Variants in LMBRD1 observed in about 807,000 individuals in gnomAD.
LMBRD1 encodes lysosomal cobalamin transport escort protein LMBD1.
LMBRD1 carries 64 observed loss-of-function variants against 74.8 expected under a neutral mutation model. The ratio of observed to expected loss-of-function variants is 0.86; its 90% CI spans 0.70 to 1.05. The LOEUF (loss-of-function observed/expected upper bound fraction) is 1.05, where lower values mean the gene tolerates loss of function less well. Among genes scored for constraint, LMBRD1 ranks in the 50% least tolerant of loss-of-function variants. The pLI, the probability that LMBRD1 is intolerant of heterozygous loss-of-function variation, is 0.00. For missense variants in LMBRD1, 652 were observed against 645.9 expected (o/e 1.01, Z -0.10); for synonymous variants, 204 against 216.3 (o/e 0.94, Z 0.50).
In LMBRD1 at chr6:69,708,132, A is replaced by C. The variant is rs543269061; in HGVS notation, c.915+5513T>G. On this transcript the variant is annotated intron_variant, in intron 9 of 15. Transcript: ENST00000649934. ...AGTTACCCAGGCCAATTAGCTGTAT[A>C]AGCTCAAAGTATACTCTTCTGTCAG... 2.6e-5 allele frequency among the ~76,000 whole-genome samples: 4 copies of C among 152,334 alleles called. No homozygotes were observed. The East Asian group carries it at 7.7e-4, about 29-fold the overall frequency.
intron 3 of LMBRD1, among the ~76,000 whole-genome samples, chr6:69,759,109 G>A (rs1765324494): frequency 6.6e-6 from 1 of 152,064 alleles, no homozygotes; most frequent in African/African-American, 2.4e-5. Context: ...AGCAAGGTAA[G>A]AAGCAAAAGT....
chr6:69,761,696 G>A (rs1026111183), intron 3 of LMBRD1, among the ~76,000 whole-genome samples: 1 of 152,136 alleles, frequency 6.6e-6, no homozygotes, highest in Non-Finnish European at 1.5e-5. Flanking sequence ...ATTCAATAAT[G>A]TTTGGTAAAT....
intron 8 of LMBRD1, among the ~76,000 whole-genome samples, chr6:69,717,643 T>A (rs1230712793): frequency 1.3e-5 from 2 of 152,232 alleles, no homozygotes. Context: ...CCTAATCTGA[T>A]GATTATGAAA....
intron 14 of LMBRD1, among the ~76,000 whole-genome samples, chr6:69,694,195 A>T (rs1173475891): frequency 1.3e-5 from 2 of 152,132 alleles, no homozygotes; most frequent in Non-Finnish European, 2.9e-5. Flanking sequence ...AGGGCATTTT[A>T]AAGGCCCCGT....
At chr6:69,681,471 GAATA>G (rs1357448906) in intron 14 of LMBRD1, among the ~76,000 whole-genome samples, 1 of 151,752 alleles carries the variant, frequency 6.6e-6, no homozygotes, top group Non-Finnish European at 1.5e-5. Flanking sequence ...TGGTTAAGTA[GAATA>G]AATAATACCT....
At chr6:69,743,029 A>T (rs909636634) in intron 5 of LMBRD1, among the ~76,000 whole-genome samples, 4 of 152,186 alleles carry the variant, frequency 2.6e-5, no homozygotes, top group African/African-American at 9.6e-5. Flanking sequence ...TTGTTGCCCC[A>T]GGTATGAAAT....
intron 4 of LMBRD1, among the ~76,000 whole-genome samples, chr6:69,749,716 C>A (rs1765077287): frequency 6.6e-6 from 1 of 151,054 alleles, no homozygotes; most frequent in African/African-American, 2.4e-5. Context: ...TAAAATATTC[C>A]CCCAGACAGC....
At chr6:69,684,571 T>C (rs1342567222) in intron 14 of LMBRD1, among the ~76,000 whole-genome samples, 1 of 152,064 alleles carries the variant, frequency 6.6e-6, no homozygotes, top group Non-Finnish European at 1.5e-5. Context: ...CAGAATACTT[T>C]TCAGATATAT....
chr6:69,701,211 G>T (rs1190106922), intron 11 of LMBRD1, among the ~76,000 whole-genome samples: 1 of 151,724 alleles, frequency 6.6e-6, no homozygotes, highest in Admixed American at 6.6e-5. Flanking sequence ...GTCAAATTAT[G>T]TATAACATAA....
intron 14 of LMBRD1, among the ~76,000 whole-genome samples, chr6:69,684,842 T>C (rs763716006): frequency 6.6e-6 from 1 of 152,100 alleles, no homozygotes; most frequent in Non-Finnish European, 1.5e-5. Flanking sequence ...ATGGGTTTCA[T>C]CCAACAGATA....
intron 14 of LMBRD1, among the ~76,000 whole-genome samples, chr6:69,694,379 A>AT (rs1196469955): frequency 6.6e-6 from 1 of 152,170 alleles, no homozygotes. Flanking sequence ...ATCTGTTTTC[A>AT]TCCAGCTAAA....
rs70987485 is a variant in LMBRD1 at position 69,695,841 on chromosome 6, CT to C, written c.1417+1721del. ...TTTTACAATTTTTCTAACCTTAGTA[CT>C]TTTTTTTTTTTTTTTCCCTGAGACA... is the stretch of plus-strand genomic sequence containing the variant. On this transcript the variant is annotated intron_variant, in intron 14 of 15. Transcript: ENST00000649934. Among the ~76,000 whole-genome samples, 227 of 140,566 alleles carry C rather than the reference CT, an allele frequency of 1.6e-3. 3 individuals carry two copies. Among genetic ancestry groups the C allele is most frequent in the Admixed American group, 5.2e-3 (73 of 14,066 alleles). 92.2% of individuals were successfully genotyped at this position (140,566 alleles called of 152,430 possible).
chr6:69,756,371 A>G (rs1413397787), intron 3 of LMBRD1, among the ~76,000 whole-genome samples: 1 of 152,056 alleles, frequency 6.6e-6, no homozygotes, highest in Non-Finnish European at 1.5e-5. Flanking sequence ...TCAAAAAAAA[A>G]AAAAAGAAAA....
At chr6:69,725,720 A>C (rs891983359) in intron 7 of LMBRD1, among the ~76,000 whole-genome samples, 3 of 152,208 alleles carry the variant, frequency 2.0e-5, no homozygotes, top group Admixed American at 6.5e-5. Flanking sequence ...CTCTTGCCAC[A>C]TACAAAAATC....
At chr6:69,724,593 A>G (rs1453934761) in intron 7 of LMBRD1, among the ~76,000 whole-genome samples, 3 of 150,198 alleles carry the variant, frequency 2.0e-5, no homozygotes, top group Admixed American at 6.6e-5. Flanking sequence ...GTAATACATC[A>G]TATCAAGAGA....
intron 9 of LMBRD1, among the ~76,000 whole-genome samples, chr6:69,703,957 T>G (rs1289100901): frequency 6.6e-6 from 1 of 152,150 alleles, no homozygotes; most frequent in African/African-American, 2.4e-5. Flanking sequence ...ATTTGTAGAA[T>G]GTCTCTCAAT....
intron 14 of LMBRD1, among the ~76,000 whole-genome samples, chr6:69,696,101 C>A (rs2149841772): frequency 6.6e-6 from 1 of 152,300 alleles, no homozygotes; most frequent in Middle Eastern, 3.4e-3. Flanking sequence ...GCCTCGGCCT[C>A]CCAGTGTATT....
At chr6:69,723,332 T>C (rs1487567846) in intron 7 of LMBRD1, among the ~76,000 whole-genome samples, 1 of 152,108 alleles carries the variant, frequency 6.6e-6, no homozygotes, top group African/African-American at 2.4e-5. Context: ...TAATAGACAT[T>C]TAAAGAACAT....
At chr6:69,750,280 C>T (rs2881080) in intron 4 of LMBRD1, among the ~76,000 whole-genome samples, 50,961 of 151,188 alleles carry the variant, frequency 0.34, 9,650 homozygotes, top group East Asian at 0.54. Context: ...CATCTTTAGA[C>T]ATAAGGAAGC....
Sources: allele counts gnomAD v4.1 joint callset (sites outside exome capture counted in the v4.1 genomes callset), GRCh38; gene constraint gnomAD v4.1.1; transcripts MANE v1.5; gene names NCBI Gene and HGNC (gene_info 2026-07-23, HGNC 2026-07-21).